DRC8: variants seen among roughly 807,000 people sequenced by gnomAD.
DRC8 encodes the protein dynein regulatory complex subunit 8, also known as dynein regulatory complex protein 8.
chr1:245,068,622 T>C, the DRC8 span, among the ~76,000 whole-genome samples: 2 of 151,728 alleles, frequency 1.3e-5, no homozygotes, highest in South Asian at 4.2e-4. Context: ...TTTTTTTTTT[T>C]TTAGAGACGG....
At chr1:245,059,758 G>A in the DRC8 span, among the ~76,000 whole-genome samples, 18 of 152,162 alleles carry the variant, frequency 1.2e-4, no homozygotes, top group Non-Finnish European at 1.9e-4. Flanking sequence ...GGGGCTGACC[G>A]TATGCAGAAA....
the DRC8 span, among the ~76,000 whole-genome samples, chr1:245,044,693 A>G: frequency 1.3e-5 from 2 of 151,764 alleles, no homozygotes; most frequent in Admixed American, 6.6e-5. Context: ...CAGCCTCCTT[A>G]GTAGGTGGGA....
At chr1:244,991,386 T>C in the DRC8 span, among the ~76,000 whole-genome samples, 5 of 152,086 alleles carry the variant, frequency 3.3e-5, no homozygotes, top group African/African-American at 1.2e-4. Context: ...TTTGTGGGGG[T>C]TCCATTATGT....
the DRC8 span, among the ~76,000 whole-genome samples, chr1:245,088,554 C>T: frequency 1.3e-5 from 2 of 152,268 alleles, no homozygotes; most frequent in African/African-American, 2.4e-5. The surrounding 1 kb of genome is among the most constrained non-coding windows in gnomAD (Gnocchi z 4.6). Context: ...GAGTCCCTAA[C>T]GAATCCAGGT....
chr1:245,069,726 C>T, the DRC8 span, among the ~76,000 whole-genome samples: 1 of 152,268 alleles, frequency 6.6e-6, no homozygotes, highest in African/African-American at 2.4e-5. Flanking sequence ...GTAGTTAACA[C>T]TGCTGTACTG....
At chr1:245,054,277 T>C in the DRC8 span, among the ~76,000 whole-genome samples, 1 of 152,006 alleles carries the variant, frequency 6.6e-6, no homozygotes, top group Non-Finnish European at 1.5e-5. Context: ...CCCCACTTCC[T>C]CTGGGCTCAA....
the DRC8 span, among the ~76,000 whole-genome samples, chr1:245,097,607 T>C: frequency 1.3e-5 from 2 of 152,006 alleles, no homozygotes; most frequent in Non-Finnish European, 2.9e-5. The surrounding 1 kb of genome is among the most constrained non-coding windows in gnomAD (Gnocchi z 5.0). Context: ...ATTCTGGCTG[T>C]GAGGTTGACA....
the DRC8 span, among the ~76,000 whole-genome samples, chr1:245,048,397 A>G: frequency 1.3e-5 from 2 of 152,216 alleles, no homozygotes; most frequent in Admixed American, 6.5e-5. Context: ...AGTGATACAG[A>G]TAGTATAACA....
At chr1:245,039,886 T>A in the DRC8 span, among the ~76,000 whole-genome samples, 1 of 152,212 alleles carries the variant, frequency 6.6e-6, no homozygotes. Context: ...GAATACATGA[T>A]GTTGCTCTGC....
At chr1:245,017,473 T>C in the DRC8 span, 1 of 784,428 alleles carries the variant, frequency 1.3e-6, no homozygotes, top group Non-Finnish European at 1.9e-6. Context: ...TAAAAGGTCT[T>C]TGCTAGCTAT....
At chr1:245,037,369 A>G in the DRC8 span, among the ~76,000 whole-genome samples, 2 of 152,212 alleles carry the variant, frequency 1.3e-5, no homozygotes, top group Non-Finnish European at 2.9e-5. Flanking sequence ...ATATAAACAG[A>G]TCTGTGAAGA....
the DRC8 span, among the ~76,000 whole-genome samples, chr1:244,980,677 A>T: frequency 6.6e-6 from 1 of 152,202 alleles, no homozygotes; most frequent in East Asian, 1.9e-4. Flanking sequence ...AGAGTTATGT[A>T]AATAATAGTT....
the DRC8 span, among the ~76,000 whole-genome samples, chr1:245,075,965 C>G: frequency 6.6e-6 from 1 of 152,188 alleles, no homozygotes; most frequent in African/African-American, 2.4e-5. Context: ...CACCGCTAAC[C>G]CACATAGCCT....
chr1:245,003,125 C>T, the DRC8 span, among the ~76,000 whole-genome samples: 3 of 152,244 alleles, frequency 2.0e-5, no homozygotes, highest in Middle Eastern at 3.4e-3. Flanking sequence ...TCAGAATTTC[C>T]TTCCTTTTCA....
the DRC8 span, among the ~76,000 whole-genome samples, chr1:245,092,714 C>G: frequency 6.6e-6 from 1 of 152,138 alleles, no homozygotes; most frequent in Non-Finnish European, 1.5e-5. Context: ...AAAGCACTAC[C>G]TGGGGCTCTG....
chr1:245,050,325 C>T, the DRC8 span, among the ~76,000 whole-genome samples: 6 of 152,016 alleles, frequency 3.9e-5, no homozygotes, highest in Non-Finnish European at 7.4e-5. Context: ...GTCTCGAACT[C>T]CTGACCTCAG....
the DRC8 span, among the ~76,000 whole-genome samples, chr1:245,040,503 C>T: frequency 1.3e-5 from 2 of 152,036 alleles, no homozygotes; most frequent in Non-Finnish European, 2.9e-5. Flanking sequence ...ACTAGCAGGG[C>T]GAGTCAGATA....
chr1:245,030,819 C>T, the DRC8 span: 1 of 152,304 alleles, frequency 6.6e-6, no homozygotes, highest in Non-Finnish European at 1.5e-5. Context: ...TGCTTTAAAA[C>T]TCCCAAGGAA....
At chr1:245,099,615 G>T in the DRC8 span, among the ~76,000 whole-genome samples, 1 of 152,206 alleles carries the variant, frequency 6.6e-6, no homozygotes, top group African/African-American at 2.4e-5. Context: ...TGAAAACAAA[G>T]GCCTATTAAT....
Sources: allele counts gnomAD v4.1 joint callset (sites outside exome capture counted in the v4.1 genomes callset), GRCh38; gene constraint gnomAD v4.1.1; non-coding constraint Gnocchi (gnomAD v3.1); transcripts MANE v1.5; gene names NCBI Gene and HGNC (gene_info 2026-07-23, HGNC 2026-07-21).